The following PATJ variants were observed in gnomAD, a reference collection of about 807,000 sequenced individuals.
PATJ encodes PATJ crumbs cell polarity complex component.
PATJ carries 190 observed loss-of-function variants against 224.9 expected under a neutral mutation model. That is an observed-to-expected ratio of 0.84 (90% CI 0.75 to 0.95). The LOEUF (loss-of-function observed/expected upper bound fraction) is 0.95. PATJ is among the 40% of genes least tolerant of loss of function. The probability of loss-of-function intolerance (pLI) is 0.00; values close to 1 mark genes in which losing one functional copy is unlikely to be tolerated. For synonymous variants in PATJ, 769 were observed against 820.3 expected, an observed-to-expected ratio of 0.94 and a Z score of 1.07; for missense variants, 2,121 against 2,270.3, an observed-to-expected ratio of 0.93 and a Z score of 1.34.
chr1:62,144,777 A>AAAAAAAAAATAT (rs377489788), intron 41 of PATJ, among the ~76,000 whole-genome samples: 1 of 119,102 alleles, frequency 8.4e-6, no homozygotes, highest in African/African-American at 3.4e-5. Flanking sequence ...AAAAAAAAAA[A>AAAAAAAAAATAT]ATATATATAT....
chr1:62,143,546 G>T (rs1667719039), intron 41 of PATJ, among the ~76,000 whole-genome samples: 1 of 145,698 alleles, frequency 6.9e-6, no homozygotes, highest in African/African-American at 2.6e-5. Flanking sequence ...TGCCTCCTGG[G>T]TTCAAGCGAT....
At chr1:61,770,748 A>G (rs933269961) in intron 5 of PATJ, among the ~76,000 whole-genome samples, 2 of 151,962 alleles carry the variant, frequency 1.3e-5, no homozygotes, top group African/African-American at 2.4e-5. Flanking sequence ...CATCTCTACA[A>G]AAAATACAAA....
intron 22 of PATJ, among the ~76,000 whole-genome samples, chr1:61,899,307 A>G (rs1670798433): frequency 6.6e-6 from 1 of 152,214 alleles, no homozygotes; most frequent in African/African-American, 2.4e-5. Context: ...TTGAAATTGC[A>G]CAAATCAAAC....
intron 28 of PATJ, among the ~76,000 whole-genome samples, chr1:62,005,936 G>A (rs1015304445): frequency 6.6e-6 from 1 of 152,020 alleles, no homozygotes; most frequent in Admixed American, 6.6e-5. Flanking sequence ...ATATTATGAC[G>A]TGATATTCAC....
intron 27 of PATJ, among the ~76,000 whole-genome samples, chr1:61,964,273 G>A (rs1681750621): frequency 6.6e-6 from 1 of 151,644 alleles, no homozygotes; most frequent in South Asian, 2.1e-4. Flanking sequence ...GTAGAGACAG[G>A]GTTTCACCAT....
At chr1:62,131,638 G>C (rs774474806) in intron 41 of PATJ, among the ~76,000 whole-genome samples, 1 of 151,434 alleles carries the variant, frequency 6.6e-6, no homozygotes, top group Non-Finnish European at 1.5e-5. Flanking sequence ...ACAAGAGTCA[G>C]ACTCCGTCTC....
chr1:61,783,112 C>A (rs1015609098), intron 7 of PATJ, among the ~76,000 whole-genome samples: 2 of 152,106 alleles, frequency 1.3e-5, no homozygotes, highest in Admixed American at 1.3e-4. Flanking sequence ...GAAGGCCCAG[C>A]TTGAGGTCAC....
chr1:61,839,282 A>G (rs575844577), intron 17 of PATJ, among the ~76,000 whole-genome samples: 1 of 152,100 alleles, frequency 6.6e-6, no homozygotes, highest in South Asian at 2.1e-4. Context: ...GAAAAATTTC[A>G]TATCTTAAAA....
chr1:62,125,251 A>AC (rs1309544944), intron 39 of PATJ, among the ~76,000 whole-genome samples: 1 of 100,548 alleles, frequency 9.9e-6, no homozygotes, highest in Non-Finnish European at 2.0e-5. Context: ...AAAAAAAAAA[A>AC]AACAAAAAAA....
Position 61,990,323 on chromosome 1 carries a change from G to C in PATJ, c.3826G>C (p.Ala1276Pro). 1.9e-6 allele frequency: 3 copies of C among 1,613,398 alleles called. No individual in the cohort carries two copies. The highest frequency in any genetic ancestry group is 2.5e-6 in the Non-Finnish European group (3 of 1,179,838). Residue 1276 changes from alanine to proline, a missense_variant, in exon 28 of 44, where the codon GCC becomes CCC. Physicochemically the swap from Ala to Pro is conservative, Grantham distance 27 (BLOSUM62 -1). Transcript: ENST00000642238. ...GGGAATTAACCCGGAAGGACCTGCT[G>C]CCGCAGATGGACGAATGCGTATTGG... ...VVGINPEGPA[A>P]ADGRMRIGDE... is the part of the protein sequence containing the mutation.
At chr1:61,805,602 G>T in intron 13 of PATJ, 78 bp downstream of exon 13, 1 of 882,918 alleles carries the variant, frequency 1.1e-6, no homozygotes, top group South Asian at 1.5e-5. Context: ...CCAAAGAAAT[G>T]GGTGAGTCAA....
rs1450831027 is a variant in PATJ, at chr1:61,763,053, G to A, written c.63G>A (p.Met21Ile). The part of the protein sequence containing the change: ...QVLQVLDRLK[M>I]KLQEKGDTSQ... ...TGCAGGTACTTGATCGCCTGAAAAT[G>A]AAATTGCAGGAGAAGGGTGACACGT... The change falls in exon 3 of 44, where the codon ATG becomes ATA. Residue 21 changes from methionine to isoleucine, a missense_variant. By Grantham distance (10) the Met-to-Ile change is conservative. Transcript: ENST00000642238. 2 of 1,611,238 alleles carry A rather than the reference G, an allele frequency of 1.2e-6. No homozygotes were observed. Among genetic ancestry groups the A allele is most frequent in the Non-Finnish European group, 1.7e-6 (2 of 1,178,330 alleles).
chr1:62,061,472 G>A (rs1313310318), intron 31 of PATJ, among the ~76,000 whole-genome samples: 7 of 151,958 alleles, frequency 4.6e-5, no homozygotes, highest in Admixed American at 2.6e-4. Flanking sequence ...ATGAGCCACC[G>A]TGCCCAGCCT....
intron 7 of PATJ, among the ~76,000 whole-genome samples, chr1:61,779,677 A>G (rs1049277876): frequency 2.0e-5 from 3 of 152,138 alleles, no homozygotes; most frequent in African/African-American, 7.2e-5. Flanking sequence ...TGTAATTCCT[A>G]TCCCTCCATC....
chr1:61,975,659 A>G (rs1644089172), intron 27 of PATJ, among the ~76,000 whole-genome samples: 2 of 151,916 alleles, frequency 1.3e-5, no homozygotes, highest in Non-Finnish European at 2.9e-5. Context: ...TCGAGTGGTA[A>G]TTCATCTCCA....
chr1:62,015,539 G>A (rs1033292772), intron 28 of PATJ, among the ~76,000 whole-genome samples: 6 of 151,754 alleles, frequency 4.0e-5, no homozygotes, highest in African/African-American at 1.2e-4. Context: ...ATGATTTCGT[G>A]TGTGTGTGTG....
At chr1:61,945,777 C>T (rs1354324389) in intron 27 of PATJ, among the ~76,000 whole-genome samples, 2 of 152,310 alleles carry the variant, frequency 1.3e-5, no homozygotes, top group Non-Finnish European at 1.5e-5. Context: ...TTCTCAGCAC[C>T]ACATCGCACT....
At chr1:62,121,020 G>A (rs1205363572) in intron 37 of PATJ, 161 bp from the exon 38 acceptor site, 3 of 534,886 alleles carry the variant, frequency 5.6e-6, no homozygotes, top group Non-Finnish European at 1.0e-5. Flanking sequence ...GAGGTAGTAA[G>A]AGAATAGTGT....
chr1:61,996,741 C>CTTTTTTTTTTTTTTTTTTTT (rs56215259), intron 28 of PATJ, among the ~76,000 whole-genome samples: 5 of 97,732 alleles, frequency 5.1e-5, no homozygotes, highest in East Asian at 5.8e-4. Context: ...CTTTTCTTTT[C>CTTTTTTTTTTTTTTTTTTTT]TTTTTTTTTT....
Sources: gnomAD v4.1 joint callset for allele counts (sites outside exome capture counted in the v4.1 genomes callset) on GRCh38, gnomAD v4.1.1 for gene constraint, MANE v1.5 for transcripts, NCBI Gene and HGNC (gene_info 2026-07-23, HGNC 2026-07-21) for gene names.